The following STK32B variants were observed in gnomAD, a reference collection of about 807,000 sequenced individuals.
STK32B encodes the protein serine/threonine-protein kinase 32B.
In STK32B, 43 loss-of-function variants were observed where a neutral mutation model predicts 52.6. The observed-to-expected ratio is 0.82, with a 90% CI of 0.64 to 1.05. STK32B has a LOEUF of 1.05. STK32B is among the 50% of genes least tolerant of loss of function. STK32B has a pLI of 0.00. For missense variants in STK32B, 621 were observed against 534.6 expected (o/e 1.16, Z -1.59); for synonymous variants, 238 against 204.3 (o/e 1.17, Z -1.41).
chr4:5,487,592 A>G (rs1421666205), intron 11 of STK32B, among the ~76,000 whole-genome samples: 2 of 152,224 alleles, frequency 1.3e-5, no homozygotes, highest in South Asian at 2.1e-4. Flanking sequence ...GAAAATGTCA[A>G]CTGACAAAAG....
intron 1 of STK32B, among the ~76,000 whole-genome samples, chr4:5,061,166 A>G (rs982816829): frequency 3.3e-5 from 5 of 152,196 alleles, no homozygotes; most frequent in Non-Finnish European, 7.3e-5. Context: ...TGGCTTTGAC[A>G]ATACTTCTTT....
intron 1 of STK32B, among the ~76,000 whole-genome samples, chr4:5,104,092 T>C (rs1024640406): frequency 3.3e-5 from 5 of 152,158 alleles, no homozygotes; most frequent in African/African-American, 1.2e-4. Flanking sequence ...ACTATTGATA[T>C]GGTTTGCCTG....
intron 2 of STK32B, among the ~76,000 whole-genome samples, chr4:5,159,858 G>A (rs1021407130): frequency 1.3e-5 from 2 of 151,322 alleles, no homozygotes; most frequent in African/African-American, 4.9e-5. Flanking sequence ...TATGGAAGCT[G>A]CCAAATGCAA....
At chr4:5,124,046 G>A (rs1483848228) in intron 1 of STK32B, among the ~76,000 whole-genome samples, 1 of 152,128 alleles carries the variant, frequency 6.6e-6, no homozygotes, top group African/African-American at 2.4e-5. Context: ...GAGAAGAGAG[G>A]TAAGGTAAAT....
chr4:5,122,804 C>T (rs1360083570), intron 1 of STK32B, among the ~76,000 whole-genome samples: 1 of 152,136 alleles, frequency 6.6e-6, no homozygotes, highest in African/African-American at 2.4e-5. Context: ...TGGACCACTC[C>T]CTTGCTGCAC....
chr4:5,479,036 G>A (rs1718456298), intron 11 of STK32B, among the ~76,000 whole-genome samples: 1 of 152,172 alleles, frequency 6.6e-6, no homozygotes, highest in Admixed American at 6.5e-5. Context: ...GATCCAGGGG[G>A]AGGCAGGAGA....
At chr4:5,317,364 T>C (rs1731125982) in intron 3 of STK32B, among the ~76,000 whole-genome samples, 1 of 93,688 alleles carries the variant, frequency 1.1e-5, no homozygotes, top group African/African-American at 6.6e-5. Flanking sequence ...ATATATAATG[T>C]ATATGTATTA....
intron 11 of STK32B, among the ~76,000 whole-genome samples, chr4:5,475,803 A>G (rs1024656004): frequency 5.9e-5 from 9 of 152,058 alleles, no homozygotes; most frequent in Non-Finnish European, 1.3e-4. Context: ...AGTGTATTGA[A>G]AAGCTGTTAT....
upstream of STK32B, among the ~76,000 whole-genome samples, chr4:5,048,220 C>G (rs1373936618): frequency 6.6e-6 from 1 of 152,014 alleles, no homozygotes; most frequent in East Asian, 1.9e-4. Flanking sequence ...ACCTCCACCT[C>G]CCAGGTTCAA....
intron 2 of STK32B, among the ~76,000 whole-genome samples, chr4:5,158,524 C>G (rs1442262688): frequency 1.3e-5 from 2 of 152,136 alleles, no homozygotes; most frequent in Non-Finnish European, 2.9e-5. Flanking sequence ...TAATTGTATA[C>G]TTAGGATCCT....
chr4:5,302,728 A>T (rs1213701964), intron 3 of STK32B, among the ~76,000 whole-genome samples: 2 of 151,926 alleles, frequency 1.3e-5, no homozygotes, highest in Non-Finnish European at 2.9e-5. Context: ...ACTGTACCCG[A>T]TGTGTAGTCT....
chr4:5,321,382 A>T (rs1731479009), intron 3 of STK32B, among the ~76,000 whole-genome samples: 1 of 152,172 alleles, frequency 6.6e-6, no homozygotes, highest in African/African-American at 2.4e-5. Context: ...AGAGAATGCA[A>T]GTTATAAATG....
At chr4:5,449,772 G>C (rs1320746790) in intron 7 of STK32B, among the ~76,000 whole-genome samples, 1 of 152,154 alleles carries the variant, frequency 6.6e-6, no homozygotes, top group African/African-American at 2.4e-5. Flanking sequence ...ACCCTCTTGT[G>C]AACTGTGCAT....
chr4:5,383,498 C>T (rs1309604220), intron 4 of STK32B, among the ~76,000 whole-genome samples: 1 of 152,214 alleles, frequency 6.6e-6, no homozygotes, highest in Non-Finnish European at 1.5e-5. Flanking sequence ...CTCGTAGCAT[C>T]CCATTGTGAG....
At chr4:5,143,378 A>G (rs1421115989) in intron 2 of STK32B, among the ~76,000 whole-genome samples, 3 of 152,154 alleles carry the variant, frequency 2.0e-5, no homozygotes, top group Non-Finnish European at 4.4e-5. Context: ...ATCATGTTGT[A>G]TATCTGACAG....
intron 6 of STK32B, among the ~76,000 whole-genome samples, chr4:5,445,130 G>A (rs1407630054): frequency 6.6e-6 from 1 of 152,194 alleles, no homozygotes; most frequent in Non-Finnish European, 1.5e-5. Flanking sequence ...CATGTCCCCG[G>A]AGGCTGTTGT....
intron 1 of STK32B, among the ~76,000 whole-genome samples, chr4:5,102,436 G>GCTTC (rs201942952): frequency 0.11 from 11,337 of 104,988 alleles, 918 homozygotes; most frequent in Non-Finnish European, 0.12. Context: ...CTCCTTCCTT[G>GCTTC]CTTCCTTCCT....
At chr4:5,338,746 A>G (rs1443698122) in intron 4 of STK32B, among the ~76,000 whole-genome samples, 1 of 152,088 alleles carries the variant, frequency 6.6e-6, no homozygotes, top group Non-Finnish European at 1.5e-5. Flanking sequence ...TTCCTCTGGT[A>G]GAGGTCATCT....
chr4:5,484,523 A>G (rs550607377), intron 11 of STK32B, among the ~76,000 whole-genome samples: 8,387 of 152,044 alleles, frequency 0.055, 282 homozygotes, highest in African/African-American at 0.097. Context: ...GCACACGGAT[A>G]GGTCTTGACT....
Sources: gnomAD v4.1 joint callset for allele counts (sites outside exome capture counted in the v4.1 genomes callset) on GRCh38, gnomAD v4.1.1 for gene constraint, MANE v1.5 for transcripts, NCBI Gene and HGNC (gene_info 2026-07-23, HGNC 2026-07-21) for gene names.